FBN2: variants seen among roughly 807,000 people sequenced by gnomAD.
FBN2 encodes the protein fibrillin 2.
FBN2 carries 105 observed loss-of-function variants against 355.6 expected under a neutral mutation model. The observed-to-expected ratio is 0.30, with a 90% CI of 0.25 to 0.35. FBN2 has a LOEUF of 0.35. Among genes scored for constraint, FBN2 ranks in the 10% least tolerant of loss-of-function variants. The pLI, the probability that FBN2 is intolerant of heterozygous loss-of-function variation, is 1.00. For missense variants in FBN2, 3,280 were observed against 3,758.7 expected, an observed-to-expected ratio of 0.87 and a Z score of 3.33; for synonymous variants, 1,350 against 1,301.2, an observed-to-expected ratio of 1.04 and a Z score of -0.81.
chr5:128,398,615 T>C (rs537352013), intron 8 of FBN2, among the ~76,000 whole-genome samples: 17 of 152,144 alleles, frequency 1.1e-4, no homozygotes, highest in Admixed American at 1.0e-3. Flanking sequence ...AATTAGCACA[T>C]AGAGACAAAG....
Position 128,532,986 on chromosome 5 carries a change from G to A in FBN2, c.338-2293C>T, listed in dbSNP as rs549090647. ...GCCCGAGAGGTCAAGGCTGCAGTGA[G>A]CTGTGATCATGCCACTGCATTCCAG... On this transcript the variant is annotated intron_variant, in intron 2 of 64. Transcript: ENST00000262464. 1.7e-4 allele frequency among the ~76,000 whole-genome samples: 26 copies of A among 152,310 alleles called. No homozygotes were observed. The East Asian group carries it at 4.3e-3, about 25-fold the overall frequency.
At chr5:128,273,696 T>C in intron 61 of FBN2, 144 bp downstream of exon 61, 2 of 813,598 alleles carry the variant, frequency 2.5e-6, no homozygotes, top group Non-Finnish European at 4.0e-6. Context: ...ACATAGAAAT[T>C]TATGACCAGG....
chr5:128,295,176 T>C (rs1190267626), intron 48 of FBN2, among the ~76,000 whole-genome samples: 1 of 148,092 alleles, frequency 6.8e-6, no homozygotes, highest in African/African-American at 2.5e-5. Context: ...GAGGGCTCTG[T>C]TCTGTTCCAT....
chr5:128,405,153 A>G (rs1179066230), intron 8 of FBN2, among the ~76,000 whole-genome samples: 1 of 152,206 alleles, frequency 6.6e-6, no homozygotes, highest in Non-Finnish European at 1.5e-5. Context: ...CCTGGGTGAC[A>G]CTGCATTCCA....
chr5:128,475,960 A>T (rs1754998111), intron 5 of FBN2, among the ~76,000 whole-genome samples: 1 of 152,238 alleles, frequency 6.6e-6, no homozygotes. Flanking sequence ...AGTATCTGCC[A>T]TATGAAGACT....
chr5:128,436,105 A>G, intron 7 of FBN2, among the ~76,000 whole-genome samples: 1 of 152,332 alleles, frequency 6.6e-6, no homozygotes, highest in African/African-American at 2.4e-5. Flanking sequence ...TGCTTAACAC[A>G]TGTGTTTTAC....
At chr5:128,416,950 C>G (rs1753217870) in intron 7 of FBN2, among the ~76,000 whole-genome samples, 1 of 152,096 alleles carries the variant, frequency 6.6e-6, no homozygotes, top group Admixed American at 6.5e-5. Context: ...GTAATATAAT[C>G]ATTTTAATGA....
At chr5:128,458,507 T>G (rs1328542349) in intron 6 of FBN2, among the ~76,000 whole-genome samples, 1 of 151,480 alleles carries the variant, frequency 6.6e-6, no homozygotes, top group Non-Finnish European at 1.5e-5. Flanking sequence ...AGAATATACA[T>G]TCTTCTCAGT....
At position 128,408,776 on chromosome 5, in the gene FBN2, G is replaced by A. The variant is rs28763954; in HGVS notation, c.976C>T (p.Pro326Ser). Residue 326 changes from proline (P) to serine (S), a missense_variant, in exon 8 of 65, where the codon CCT becomes TCT. Physicochemically the swap from Pro to Ser is moderately conservative, Grantham distance 74. This residue lies in a region of FBN2 where 343 missense variants were observed against 331.0 expected (regional missense o/e 1.04). Coordinates refer to ENST00000262464, the MANE Select transcript of FBN2 (RefSeq NM_001999.4). Reference sequence around the variant, plus strand: ...CATTCACCAGTTTCACATATCCCAGGAATGATGCTGCACTCATCAATGTCT... The same window carrying A: ...CATTCACCAGTTTCACATATCCCAGAAATGATGCTGCACTCATCAATGTCT... ...CEDIDECSII[P>S]GICETGECSN... 15,739 of 1,613,824 alleles carry A rather than the reference G, an allele frequency of 9.8e-3. 129 individuals carry two copies. Among genetic ancestry groups the A allele is most frequent in the Non-Finnish European group, 0.011 (13,555 of 1,179,796 alleles).
chr5:128,267,048 C>T (rs1212172206), intron 62 of FBN2, among the ~76,000 whole-genome samples: 2 of 151,732 alleles, frequency 1.3e-5, no homozygotes, highest in African/African-American at 4.8e-5. Flanking sequence ...CGTTGTTCAG[C>T]TCTCACTTAT....
intron 47 of FBN2, 51 bp from the exon 48 acceptor site, chr5:128,300,987 C>T (rs754779947): frequency 6.4e-7 from 1 of 1,551,164 alleles, no homozygotes; most frequent in East Asian, 2.2e-5. Context: ...ATAATTGTTA[C>T]ATAGATTTAT....
chr5:128,357,511 T>C (rs1002204660), intron 19 of FBN2, 116 bp from the exon 20 acceptor site: 49 of 1,194,530 alleles, frequency 4.1e-5, no homozygotes, highest in Admixed American at 3.2e-4. Context: ...GTAATTTTAA[T>C]ATGGATCTAT....
At chr5:128,350,536 C>T (rs796978488) in intron 21 of FBN2, among the ~76,000 whole-genome samples, 11 of 152,142 alleles carry the variant, frequency 7.2e-5, no homozygotes, top group East Asian at 5.8e-4. Flanking sequence ...GGTGACAGAG[C>T]GAGACTCCGT....
At chr5:128,494,306 T>C (rs1755592414) in intron 5 of FBN2, among the ~76,000 whole-genome samples, 2 of 152,184 alleles carry the variant, frequency 1.3e-5, no homozygotes, top group Non-Finnish European at 2.9e-5. Context: ...AGTAGGGAAG[T>C]TCAAATCTGA....
chr5:128,425,452 G>A (rs1753460118), intron 7 of FBN2, among the ~76,000 whole-genome samples: 1 of 152,140 alleles, frequency 6.6e-6, no homozygotes. Flanking sequence ...ACTTGGCAAA[G>A]CTGCAAGAAT....
chr5:128,502,612 A>G (rs546581867), intron 5 of FBN2, among the ~76,000 whole-genome samples: 117 of 152,282 alleles, frequency 7.7e-4, no homozygotes, highest in African/African-American at 2.6e-3. Flanking sequence ...ACAATAAAAG[A>G]TATCATACTT....
chr5:128,334,192 A>G (rs1356237133), intron 31 of FBN2, among the ~76,000 whole-genome samples: 1 of 152,152 alleles, frequency 6.6e-6, no homozygotes, highest in Non-Finnish European at 1.5e-5. Context: ...GAGGAAAAAG[A>G]GAAAGGCAAT....
chr5:128,492,526 G>C (rs1376562202), intron 5 of FBN2, among the ~76,000 whole-genome samples: 3 of 152,158 alleles, frequency 2.0e-5, no homozygotes, highest in African/African-American at 7.2e-5. Flanking sequence ...ATACTGGCTG[G>C]GCGCGGTAGC....
rs369778491 is a variant in FBN2 at position 128,436,330 on chromosome 5, A to C, written c.952+10151T>G. 3.3e-4 allele frequency among the ~76,000 whole-genome samples: 50 copies of C among 152,322 alleles called. 1 individual carries two copies. In the East Asian group the frequency reaches 6.2e-3, roughly 19 times the overall value. On this transcript the variant is annotated intron_variant, in intron 7 of 64. Coordinates refer to ENST00000262464, the MANE Select transcript of FBN2 (RefSeq NM_001999.4). ...TGAAACACAGCATGGGCTTCTAAAA[A>C]TCAGACTAAAAATATCACTGCTAGT...
Sources: allele counts gnomAD v4.1 joint callset (sites outside exome capture counted in the v4.1 genomes callset), GRCh38; gene constraint gnomAD v4.1.1; regional missense constraint gnomAD v4.1.1; transcripts MANE v1.5; gene names NCBI Gene and HGNC (gene_info 2026-07-23, HGNC 2026-07-21).